GALNT7: variants seen among roughly 807,000 people sequenced by gnomAD.
GALNT7 encodes the protein polypeptide N-acetylgalactosaminyltransferase 7, also known as N-acetylgalactosaminyltransferase 7.
A neutral mutation model predicts 82.1 loss-of-function variants in GALNT7; 60 were observed. The ratio of observed to expected loss-of-function variants is 0.73; its 90% CI spans 0.59 to 0.91. The LOEUF is 0.91. Among genes scored for constraint, GALNT7 ranks in the 40% least tolerant of loss-of-function variants. GALNT7 has a pLI of 0.00. For missense variants in GALNT7, 660 were observed against 804.2 expected (o/e 0.82, Z 2.17); for synonymous variants, 243 against 275.1 (o/e 0.88, Z 1.15).
intron 8 of GALNT7, among the ~76,000 whole-genome samples, chr4:173,306,133 T>C (rs1455975438): frequency 6.6e-6 from 1 of 152,208 alleles, no homozygotes; most frequent in Non-Finnish European, 1.5e-5. Context: ...TTTATTGTTT[T>C]GCTTAGCTAT....
At chr4:173,186,025 A>G (rs1732450089) in intron 1 of GALNT7, among the ~76,000 whole-genome samples, 1 of 152,226 alleles carries the variant, frequency 6.6e-6, no homozygotes, top group African/African-American at 2.4e-5. Flanking sequence ...TTTAAGGTGT[A>G]GGAAGAAGAT....
chr4:173,179,131 A>C (rs1221791706), intron 1 of GALNT7, among the ~76,000 whole-genome samples: 1 of 152,224 alleles, frequency 6.6e-6, no homozygotes, highest in Non-Finnish European at 1.5e-5. Context: ...TTCACTGGTA[A>C]AGCTATGCTT....
At chr4:173,255,076 GTTAAC>G (rs1734986725) in intron 2 of GALNT7, among the ~76,000 whole-genome samples, 1 of 152,220 alleles carries the variant, frequency 6.6e-6, no homozygotes, top group Non-Finnish European at 1.5e-5. Flanking sequence ...AAAAACAGGA[GTTAAC>G]TTACGTTACC....
intron 8 of GALNT7, among the ~76,000 whole-genome samples, chr4:173,305,599 G>T (rs1482342372): frequency 6.6e-6 from 1 of 152,082 alleles, no homozygotes; most frequent in East Asian, 1.9e-4. Flanking sequence ...TGAGATGAAG[G>T]TCTAGTTTCA....
At chr4:173,189,107 A>C (rs907888655) in intron 1 of GALNT7, among the ~76,000 whole-genome samples, 6 of 152,060 alleles carry the variant, frequency 3.9e-5, no homozygotes, top group African/African-American at 1.4e-4. Flanking sequence ...ATCATCTTAC[A>C]CTCATATCAG....
At chr4:173,294,172 T>A (rs1285906975) in intron 3 of GALNT7, among the ~76,000 whole-genome samples, 2 of 152,052 alleles carry the variant, frequency 1.3e-5, no homozygotes, top group Non-Finnish European at 2.9e-5. Flanking sequence ...AAACTTAAGA[T>A]GTGTTTAACT....
intron 2 of GALNT7, among the ~76,000 whole-genome samples, chr4:173,288,227 G>A (rs1252208264): frequency 1.4e-5 from 2 of 140,324 alleles, no homozygotes; most frequent in African/African-American, 5.6e-5. Context: ...AGCTTGCAGT[G>A]AGCCGAGATC....
At chr4:173,177,608 C>T (rs1411480651) in intron 1 of GALNT7, among the ~76,000 whole-genome samples, 8 of 152,146 alleles carry the variant, frequency 5.3e-5, no homozygotes, top group Non-Finnish European at 4.4e-5. Flanking sequence ...ATGACTTAGA[C>T]GATATTGCCT....
intron 1 of GALNT7, among the ~76,000 whole-genome samples, chr4:173,197,345 A>C (rs1035100416): frequency 6.6e-6 from 1 of 151,968 alleles, no homozygotes; most frequent in East Asian, 1.9e-4. Context: ...AGAGTAAAGA[A>C]ATTTCATGTA....
rs758084697 is a variant in GALNT7 at position 173,314,128 on chromosome 4, T to C, written c.1560T>C (p.Asp520=). 4.3e-6 allele frequency: 7 copies of C among 1,614,024 alleles called. No individual in the cohort carries two copies. In the East Asian group the frequency reaches 1.6e-4, roughly 36 times the overall value. ...FKWFMEEIAY[D]ITSHYPLPPK... is the part of the protein sequence containing the mutation. ...GGTTCATGGAAGAAATAGCTTATGA[T>C]ATCACCTCACACTACCCTTTGCCAC... Residue 520 remains aspartate (D), a synonymous_variant, in exon 9 of 12, where the codon GAT becomes GAC. Transcript: ENST00000265000.
chr4:173,273,619 A>G (rs1458616651), intron 2 of GALNT7, among the ~76,000 whole-genome samples: 1 of 152,116 alleles, frequency 6.6e-6, no homozygotes, highest in African/African-American at 2.4e-5. Context: ...CATGCTACTC[A>G]CTTGGGGTGG....
At chr4:173,280,465 A>T (rs1215848091) in intron 2 of GALNT7, among the ~76,000 whole-genome samples, 3 of 152,206 alleles carry the variant, frequency 2.0e-5, no homozygotes, top group Admixed American at 6.5e-5. Context: ...CATTATTCTC[A>T]TATTTTCTGC....
At chr4:173,169,237 G>GC (rs944507034) in intron 1 of GALNT7, 2 of 149,204 alleles carry the variant, frequency 1.3e-5, no homozygotes, top group Non-Finnish European at 3.0e-5. Flanking sequence ...AGCGGCTCGG[G>GC]CGGCCGCTCT....
At chr4:173,174,689 A>G (rs141121706) in intron 1 of GALNT7, among the ~76,000 whole-genome samples, 4 of 151,326 alleles carry the variant, frequency 2.6e-5, no homozygotes, top group South Asian at 2.1e-4. Context: ...TCCTGCTCTC[A>G]CAATCTAGTT....
chr4:173,314,124 A>G lies in GALNT7; in HGVS notation c.1556A>G (p.Tyr519Cys). The G allele has an allele frequency of 6.2e-7, 1 of 1,614,094 alleles. No homozygotes were observed. Among genetic ancestry groups the G allele is most frequent in the Non-Finnish European group, 8.5e-7 (1 of 1,179,946 alleles). The change falls in exon 9 of 12, where the codon TAT becomes TGT. Residue 519 changes from tyrosine (Y) to cysteine (C), a missense_variant. This residue lies in a region of GALNT7 where 527 missense variants were observed against 683.5 expected (regional missense o/e 0.77). Coordinates refer to ENST00000265000, the MANE Select transcript of GALNT7 (RefSeq NM_017423.3). ...SFKWFMEEIA[Y>C]DITSHYPLPP... ...AAGTGGTTCATGGAAGAAATAGCTT[A>G]TGATATCACCTCACACTACCCTTTG...
intron 5 of GALNT7, chr4:173,297,704 C>A: frequency 1.7e-6 from 1 of 575,456 alleles, no homozygotes; most frequent in African/African-American, 1.9e-5. Flanking sequence ...AGTGCACAAA[C>A]AAATCAACAA....
intron 2 of GALNT7, among the ~76,000 whole-genome samples, chr4:173,251,252 CCT>C (rs1255138942): frequency 1.3e-5 from 2 of 152,166 alleles, no homozygotes; most frequent in African/African-American, 4.8e-5. Flanking sequence ...AGTTACTTGT[CCT>C]CTCTAACCCT....
intron 1 of GALNT7, among the ~76,000 whole-genome samples, chr4:173,245,820 C>T (rs1734608225): frequency 6.6e-6 from 1 of 152,138 alleles, no homozygotes; most frequent in South Asian, 2.1e-4. Context: ...TAGTTAATTC[C>T]CAAGAGAATC....
At position 173,168,895 on chromosome 4, in the gene GALNT7, G is replaced by T. The variant is rs750817749; in HGVS notation, c.60G>T (p.Gly20=). The part of the protein sequence containing the change: ...RSLLVVGSFL[G]LVVLWSSLTP... The stretch of plus-strand genomic sequence containing the variant: ...TGCTGGTGGTGGGAAGCTTCCTGGG[G>T]CTAGTGGTCCTCTGGTCTTCCCTGA... The change falls in exon 1 of 12, where the codon GGG becomes GGT. Residue 20 remains glycine, a synonymous_variant. Transcript: ENST00000265000. The T allele has an allele frequency of 1.9e-6, 3 of 1,613,732 alleles. No homozygotes were observed. The African/African-American group carries it at 4.0e-5, about 22-fold the overall frequency.
Sources: gnomAD v4.1 joint callset for allele counts (sites outside exome capture counted in the v4.1 genomes callset) on GRCh38, gnomAD v4.1.1 for gene constraint, gnomAD v4.1.1 regional missense constraint, MANE v1.5 for transcripts, NCBI Gene and HGNC (gene_info 2026-07-23, HGNC 2026-07-21) for gene names.